SAMD5: variants seen among roughly 807,000 people sequenced by gnomAD.
SAMD5 encodes sterile alpha motif domain containing 5.
A neutral mutation model predicts 11.3 loss-of-function variants in SAMD5; 13 were observed. The observed-to-expected ratio is 1.15, with a 90% CI of 0.75 to 1.83. SAMD5 has a LOEUF of 1.83. SAMD5 is among the 40% of genes most tolerant of loss of function. The probability of loss-of-function intolerance (pLI) is 0.00; values close to 1 mark genes in which losing one functional copy is unlikely to be tolerated. For missense variants in SAMD5, 255 were observed against 239.1 expected (o/e 1.07, Z -0.44); for synonymous variants, 129 against 111.3 (o/e 1.16, Z -1.00).
chr6:147,732,586 G>GC (rs1186349814), intron 1 of SAMD5, among the ~76,000 whole-genome samples: 3 of 152,166 alleles, frequency 2.0e-5, no homozygotes, highest in African/African-American at 7.2e-5. Flanking sequence ...CAGGAACATT[G>GC]CATGTAACCC....
chr6:147,882,852 A>G, the SAMD5 span, among the ~76,000 whole-genome samples: 1 of 152,220 alleles, frequency 6.6e-6, no homozygotes, highest in Non-Finnish European at 1.5e-5. Flanking sequence ...AGTAATTACA[A>G]TTTAAGTAAT....
At chr6:147,550,062 T>C (rs1446196948) in intron 1 of SAMD5, among the ~76,000 whole-genome samples, 10 of 151,278 alleles carry the variant, frequency 6.6e-5, no homozygotes, top group Non-Finnish European at 1.2e-4. Flanking sequence ...CTGGGCAACA[T>C]AGCAAGACCT....
intron 1 of SAMD5, among the ~76,000 whole-genome samples, chr6:147,687,155 A>G (rs1791023504): frequency 6.6e-6 from 1 of 152,048 alleles, no homozygotes; most frequent in Non-Finnish European, 1.5e-5. Flanking sequence ...ACAAGGCATA[A>G]TTACTATTCA....
chr6:147,929,866 T>A, the SAMD5 span, among the ~76,000 whole-genome samples: 1 of 152,242 alleles, frequency 6.6e-6, no homozygotes, highest in South Asian at 2.1e-4. Context: ...AAGTAATTTA[T>A]GTTTGAAATA....
At position 147,730,690 on chromosome 6, in the gene SAMD5, C is replaced by T. The variant is rs142380049; in HGVS notation, c.163-6627C>T. Among the ~76,000 whole-genome samples the T allele has an allele frequency of 1.1e-4, 17 of 152,124 alleles. No homozygotes were observed. The East Asian group carries it at 3.1e-3, about 28-fold the overall frequency. On this transcript the variant is annotated intron_variant, in intron 1 of 1. Coordinates refer to the SAMD5 transcript ENST00000566741. ...GCATATATAGACAATAGACAAGGTC[C>T]GAGAACTGAGCCCTAAGACATTCCA...
chr6:147,644,878 C>A (rs1790373869), intron 1 of SAMD5, among the ~76,000 whole-genome samples: 1 of 152,156 alleles, frequency 6.6e-6, no homozygotes, highest in African/African-American at 2.4e-5. Context: ...CAGGGTCAAA[C>A]AATAAATTAG....
In SAMD5 at chr6:147,568,711, C is replaced by T. The variant is rs544816262; in HGVS notation, c.*4255C>T. The T allele has an allele frequency of 4.8e-5, 47 of 984,770 alleles. No individual in the cohort carries two copies. The African/African-American group carries it at 7.8e-4, about 16-fold the overall frequency. The allele number at this position is 984,770 out of a possible 1,614,324, so 61.0% of individuals were successfully genotyped here. A position where few individuals can be genotyped will look rare whatever the true frequency, so the allele number is the denominator to read the frequency against. ...ATTAGGCTTTCTCTTTTAGAGTTTT[C>T]TAATTTTACTCTTATTAGCTCCCTC... On this transcript the variant is annotated 3_prime_UTR_variant, in exon 2 of 2. Transcript: ENST00000367474.
At chr6:147,519,628 T>A (rs1160247130) in intron 1 of SAMD5, among the ~76,000 whole-genome samples, 1 of 152,218 alleles carries the variant, frequency 6.6e-6, no homozygotes, top group Non-Finnish European at 1.5e-5. Context: ...TCAAATTGAC[T>A]GTTTAACTCA....
At chr6:147,751,535 A>G in the SAMD5 span, among the ~76,000 whole-genome samples, 2 of 152,218 alleles carry the variant, frequency 1.3e-5, no homozygotes, top group Non-Finnish European at 2.9e-5. Flanking sequence ...TATTGCAACC[A>G]CAAAATAGGG....
At chr6:147,831,365 A>G in the SAMD5 span, among the ~76,000 whole-genome samples, 1 of 152,244 alleles carries the variant, frequency 6.6e-6, no homozygotes, top group African/African-American at 2.4e-5. Context: ...AGGAACAGAA[A>G]AAACACTTTT....
chr6:147,852,547 C>A, the SAMD5 span, among the ~76,000 whole-genome samples: 2 of 152,026 alleles, frequency 1.3e-5, no homozygotes, highest in African/African-American at 4.8e-5. Flanking sequence ...GGGAGTTTTA[C>A]CATTAAGACT....
the SAMD5 span, among the ~76,000 whole-genome samples, chr6:147,761,323 G>A: frequency 6.6e-6 from 1 of 152,072 alleles, no homozygotes; most frequent in Non-Finnish European, 1.5e-5. Flanking sequence ...TATTGGAAAT[G>A]AATGGTAATT....
At chr6:147,954,019 C>A in the SAMD5 span, 1 of 152,138 alleles carries the variant, frequency 6.6e-6, no homozygotes, top group African/African-American at 2.4e-5. Flanking sequence ...AGATAAAACA[C>A]CAGCTTGTTA....
the SAMD5 span, among the ~76,000 whole-genome samples, chr6:147,793,309 G>A: frequency 6.6e-6 from 1 of 152,252 alleles, no homozygotes; most frequent in African/African-American, 2.4e-5. Flanking sequence ...TCTACAAAAT[G>A]CCTAACTAGT....
At chr6:147,774,523 C>T in the SAMD5 span, among the ~76,000 whole-genome samples, 25 of 152,120 alleles carry the variant, frequency 1.6e-4, no homozygotes, top group African/African-American at 6.0e-4. Context: ...ACTTATAATA[C>T]CCAGTACAAT....
At chr6:147,909,708 G>A in the SAMD5 span, among the ~76,000 whole-genome samples, 1 of 151,362 alleles carries the variant, frequency 6.6e-6, no homozygotes, top group Non-Finnish European at 1.5e-5. Flanking sequence ...AGCTGTCCTC[G>A]TTTGTTTGCT....
the SAMD5 span, among the ~76,000 whole-genome samples, chr6:147,799,479 T>C: frequency 6.6e-6 from 1 of 151,502 alleles, no homozygotes; most frequent in African/African-American, 2.4e-5. Context: ...TAACCCGACC[T>C]TTCTCTCTGG....
At chr6:147,712,918 C>T (rs1791419812) in intron 1 of SAMD5, among the ~76,000 whole-genome samples, 1 of 151,998 alleles carries the variant, frequency 6.6e-6, no homozygotes, top group African/African-American at 2.4e-5. Flanking sequence ...TTATTGGTTC[C>T]TATTAGTGAT....
At chr6:147,574,192 G>T (rs1368963142), downstream of SAMD5, among the ~76,000 whole-genome samples, 1 of 151,364 alleles carries the variant, frequency 6.6e-6, no homozygotes, top group African/African-American at 2.4e-5. Context: ...CAAAAAATAT[G>T]GTTGCCAACA....
Sources: gnomAD v4.1 joint callset for allele counts (sites outside exome capture counted in the v4.1 genomes callset) on GRCh38, gnomAD v4.1.1 for gene constraint, MANE v1.5 for transcripts, NCBI Gene and HGNC (gene_info 2026-07-23, HGNC 2026-07-21) for gene names.